ATF7IP: variants seen among roughly 807,000 people sequenced by gnomAD.
The protein encoded by ATF7IP is activating transcription factor 7 interacting protein.
Under a neutral mutation model 106.4 loss-of-function variants are expected in ATF7IP, and 23 were observed. That is an observed-to-expected ratio of 0.22 (90% confidence interval 0.16 to 0.31). ATF7IP has a LOEUF of 0.31. Ranked by LOEUF, ATF7IP falls within the 10% of genes least tolerant of loss-of-function variation. The pLI is 1.00. For missense variants in ATF7IP, 1,334 were observed against 1,524.3 expected, an observed-to-expected ratio of 0.88 and a Z score of 2.08; for synonymous variants, 542 against 539.0, an observed-to-expected ratio of 1.01 and a Z score of -0.08.
rs1460383240 is a variant in ATF7IP, at chr12:14,481,515, A to C, written c.3280+330A>C. 13 of 398,320 alleles carry C rather than the reference A, an allele frequency of 3.3e-5. No individual in the cohort carries two copies. In the East Asian group the frequency reaches 8.6e-4, roughly 26 times the overall value. 24.7% of individuals were successfully genotyped at this position (398,320 alleles called of 1,614,324 possible). The stretch of plus-strand genomic sequence containing the variant: ...TATTTCAAACATGTTGTATACCATA[A>C]ATATATATAATTTTTGTCAATTAAA... On this transcript the variant is annotated intron_variant, in intron 13 of 14. Coordinates refer to ENST00000261168, the MANE Select transcript of ATF7IP (RefSeq NM_018179.5).
chr12:14,478,679 G>A (rs1024439148), intron 12 of ATF7IP, among the ~76,000 whole-genome samples: 1 of 152,136 alleles, frequency 6.6e-6, no homozygotes, highest in East Asian at 1.9e-4. Context: ...TTAAAGAAAA[G>A]TATATATTTA....
chr12:14,495,391 A>T (rs1250089879), intron 13 of ATF7IP, among the ~76,000 whole-genome samples: 1 of 152,222 alleles, frequency 6.6e-6, no homozygotes, highest in East Asian at 1.9e-4. Context: ...TTAGAAAATA[A>T]ACTGATTGGA....
At chr12:14,479,846 C>T (rs552562457) in intron 12 of ATF7IP, among the ~76,000 whole-genome samples, 16 of 152,008 alleles carry the variant, frequency 1.1e-4, no homozygotes, top group Non-Finnish European at 1.6e-4. Context: ...TCTAAATAGG[C>T]AGTTATAAGT....
chr12:14,386,375 A>G (rs1021757846), intron 1 of ATF7IP, among the ~76,000 whole-genome samples: 5 of 152,132 alleles, frequency 3.3e-5, no homozygotes, highest in African/African-American at 1.2e-4. Flanking sequence ...AAGCAGCAAT[A>G]CTTAAATTGC....
chr12:14,380,786 A>T (rs574227905), intron 1 of ATF7IP, among the ~76,000 whole-genome samples: 1 of 151,924 alleles, frequency 6.6e-6, no homozygotes, highest in Non-Finnish European at 1.5e-5. Context: ...CGCCCAGCTA[A>T]TTTTTGTATT....
chr12:14,499,334 T>C lies in ATF7IP; in HGVS notation c.*1261T>C, dbSNP rs1167053673. On this transcript the variant is annotated 3_prime_UTR_variant, in exon 15 of 15. Coordinates refer to ENST00000261168, the MANE Select transcript of ATF7IP (RefSeq NM_018179.5). ...TTTATTTTTGGTCACTATTTAACTTTGTGTAAAGTGGACCAAGAGAAAACC... is the reference window on the plus strand; with the variant it reads ...TTTATTTTTGGTCACTATTTAACTTCGTGTAAAGTGGACCAAGAGAAAACC... 1 of 152,224 alleles carries C rather than the reference T, an allele frequency of 6.6e-6. No individual in the cohort carries two copies. Among genetic ancestry groups the C allele is most frequent in the Non-Finnish European group, 1.5e-5 (1 of 68,024 alleles). 9.4% of individuals were successfully genotyped at this position (152,224 alleles called of 1,614,324 possible).
At chr12:14,418,064 A>G (rs980672854) in intron 1 of ATF7IP, among the ~76,000 whole-genome samples, 17 of 152,114 alleles carry the variant, frequency 1.1e-4, no homozygotes, top group African/African-American at 3.9e-4. Context: ...AGAAGAGAGT[A>G]ATGTTTTCAT....
chr12:14,389,553 A>C (rs1939431009), intron 1 of ATF7IP, among the ~76,000 whole-genome samples: 1 of 152,232 alleles, frequency 6.6e-6, no homozygotes, highest in South Asian at 2.1e-4. Context: ...ATTCATTTTC[A>C]GAGCTATAAA....
intron 4 of ATF7IP, 62 bp downstream of exon 4, chr12:14,436,313 G>A: frequency 6.9e-7 from 1 of 1,440,086 alleles, no homozygotes; most frequent in Non-Finnish European, 9.5e-7. Context: ...TCTTCTTCTA[G>A]GTTTCTGACA....
intron 4 of ATF7IP, among the ~76,000 whole-genome samples, chr12:14,436,598 A>G (rs1942410184): frequency 6.6e-6 from 1 of 152,186 alleles, no homozygotes. Flanking sequence ...AGGCTGAGGC[A>G]GGAGAATCAC....
intron 1 of ATF7IP, among the ~76,000 whole-genome samples, chr12:14,390,879 A>T (rs1053959222): frequency 2.6e-5 from 4 of 152,254 alleles, no homozygotes; most frequent in African/African-American, 4.8e-5. Flanking sequence ...CATTTCCCAG[A>T]GTGAAAGCCA....
chr12:14,434,085 A>G (rs911749051), intron 2 of ATF7IP, among the ~76,000 whole-genome samples: 7 of 152,170 alleles, frequency 4.6e-5, no homozygotes, highest in Non-Finnish European at 7.3e-5. Context: ...AATTTTTTTA[A>G]ATTACTTAAA....
At chr12:14,428,533 A>G (rs1466006561) in intron 2 of ATF7IP, among the ~76,000 whole-genome samples, 1 of 152,122 alleles carries the variant, frequency 6.6e-6, no homozygotes. Context: ...GTTGCATGTC[A>G]TTTATGTTGC....
At chr12:14,376,913 A>G (rs1354047821) in intron 1 of ATF7IP, among the ~76,000 whole-genome samples, 1 of 152,166 alleles carries the variant, frequency 6.6e-6, no homozygotes, top group Non-Finnish European at 1.5e-5. Flanking sequence ...GTGACAGAAC[A>G]AAACTCCATC....
chr12:14,461,318 G>A (rs1314202603), intron 9 of ATF7IP, among the ~76,000 whole-genome samples, 185 bp downstream of exon 9: 1 of 152,054 alleles, frequency 6.6e-6, no homozygotes, highest in East Asian at 1.9e-4. Flanking sequence ...GGGCTTGAGA[G>A]GGGTTTTATT....
chr12:14,396,743 A>T (rs1023917564), intron 1 of ATF7IP, among the ~76,000 whole-genome samples: 1 of 152,198 alleles, frequency 6.6e-6, no homozygotes, highest in Non-Finnish European at 1.5e-5. Flanking sequence ...AGAGAAAAAG[A>T]GTTGATAGAC....
intron 9 of ATF7IP, among the ~76,000 whole-genome samples, chr12:14,463,103 T>C (rs79018814): frequency 0.013 from 1,929 of 152,218 alleles, 54 homozygotes; most frequent in African/African-American, 0.044. Flanking sequence ...TTTGGCTTTT[T>C]AGGATTCCCA....
chr12:14,439,334 C>T (rs922120823), intron 5 of ATF7IP, among the ~76,000 whole-genome samples: 33 of 152,206 alleles, frequency 2.2e-4, no homozygotes, highest in African/African-American at 7.7e-4. Flanking sequence ...TCACTTTTTC[C>T]GTTACGAATA....
intron 1 of ATF7IP, among the ~76,000 whole-genome samples, chr12:14,366,466 T>C (rs1938298240): frequency 6.6e-6 from 1 of 152,246 alleles, no homozygotes; most frequent in Non-Finnish European, 1.5e-5. Flanking sequence ...GAAACAATTT[T>C]AGTTTTGGGA....
Sources: allele counts gnomAD v4.1 joint callset (sites outside exome capture counted in the v4.1 genomes callset), GRCh38; gene constraint gnomAD v4.1.1; transcripts MANE v1.5; gene names NCBI Gene and HGNC (gene_info 2026-07-23, HGNC 2026-07-21).